NF1: variants seen among roughly 807,000 people sequenced by gnomAD.
NF1 encodes the protein neurofibromin 1.
NF1 carries 122 observed loss-of-function variants against 325.7 expected under a neutral mutation model. The observed-to-expected ratio is 0.37, with a 90% CI of 0.32 to 0.44. The LOEUF is 0.44. NF1 is among the 20% of genes least tolerant of loss of function. The probability of loss-of-function intolerance (pLI) is 1.00; values close to 1 mark genes in which losing one functional copy is unlikely to be tolerated. For missense variants in NF1, 2,140 were observed against 3,415.4 expected, an observed-to-expected ratio of 0.63 and a Z score of 9.31; for synonymous variants, 1,091 against 1,186.0, an observed-to-expected ratio of 0.92 and a Z score of 1.65.
chr17:31,265,216 A>G lies in NF1; in HGVS notation c.4725-13A>G, dbSNP rs759742216. On this transcript the variant is annotated splice_polypyrimidine_tract_variant and intron_variant, in intron 35 of 57. Coordinates refer to ENST00000358273, the MANE Select transcript of NF1 (RefSeq NM_001042492.3). ...CATAAAGCCTCATAATTACTCTGTT[A>G]TTTTTCTTTTAGGCATCAGGTACAT... 1.1e-5 allele frequency: 18 copies of G among 1,577,122 alleles called. No homozygotes were observed. Among genetic ancestry groups the G allele is most frequent in the African/African-American group, 2.7e-5 (2 of 74,170 alleles).
intron 36 of NF1, among the ~76,000 whole-genome samples, chr17:31,323,075 A>G (rs2069252839): frequency 6.6e-6 from 1 of 152,200 alleles, no homozygotes; most frequent in Admixed American, 6.5e-5. Flanking sequence ...ATGTTTGTGT[A>G]CATAAACATC....
chr17:31,318,114 TCAAAA>T, intron 36 of NF1: 1 of 633,140 alleles, frequency 1.6e-6, no homozygotes. Context: ...ATATTCAGTG[TCAAAA>T]CAAAAGTACA....
chr17:31,272,444 C>T (rs901650444), intron 36 of NF1: 1 of 151,450 alleles, frequency 6.6e-6, no homozygotes, highest in Non-Finnish European at 1.5e-5. Flanking sequence ...TGGGCTTGTC[C>T]CAGGATTGGT....
At chr17:31,292,959 C>T (rs1248784226) in intron 36 of NF1, among the ~76,000 whole-genome samples, 1 of 151,916 alleles carries the variant, frequency 6.6e-6, no homozygotes, top group Non-Finnish European at 1.5e-5. Flanking sequence ...AGGCGAATCA[C>T]CTGAGGTCAG....
Position 31,114,844 on chromosome 17 carries a change from ACT to A in NF1, c.60+19478_60+19479del, listed in dbSNP as rs1377592718. ...ACTCCAGCCTGGGCGACAGAGCAAG[ACT>A]CTGTCTCAAAAAAAGAAAAAAAAGA... On this transcript the variant is annotated intron_variant, in intron 1 of 57. Coordinates refer to ENST00000358273, the MANE Select transcript of NF1 (RefSeq NM_001042492.3). 5.3e-5 allele frequency among the ~76,000 whole-genome samples: 8 copies of A among 152,128 alleles called. No homozygotes were observed. The East Asian group carries it at 5.8e-4, about 11-fold the overall frequency.
intron 50 of NF1, among the ~76,000 whole-genome samples, chr17:31,351,860 G>T (rs867764850): frequency 0.011 from 1,568 of 141,412 alleles, 30 homozygotes; most frequent in African/African-American, 0.036. Flanking sequence ...ATTTTTTGGG[G>T]TTTTTTTTTT....
intron 36 of NF1, among the ~76,000 whole-genome samples, chr17:31,323,215 T>A (rs1226689848): frequency 6.6e-6 from 1 of 151,834 alleles, no homozygotes; most frequent in Admixed American, 6.6e-5. Flanking sequence ...CTGGGCAGCA[T>A]GGCAAAATCC....
intron 36 of NF1, among the ~76,000 whole-genome samples, chr17:31,302,039 GC>G (rs1276364222): frequency 6.6e-6 from 1 of 152,064 alleles, no homozygotes; most frequent in Non-Finnish European, 1.5e-5. Flanking sequence ...AGCAAGGATT[GC>G]CACTGTTTGG....
chr17:31,179,747 C>A (rs992318765), intron 5 of NF1, among the ~76,000 whole-genome samples: 1 of 151,342 alleles, frequency 6.6e-6, no homozygotes, highest in East Asian at 1.9e-4. Context: ...CGTGCAACTG[C>A]ACTCCAACCT....
rs779737221 is a variant in NF1 at position 31,352,399 on chromosome 17, A to G, written c.7600A>G (p.Thr2534Ala). 5.6e-6 allele frequency: 9 copies of G among 1,612,314 alleles called. No individual in the cohort carries two copies. The Admixed American group carries it at 1.3e-4, about 24-fold the overall frequency. The change falls in exon 51 of 58, where the codon ACT becomes GCT. Residue 2534 changes from threonine to alanine, a missense_variant. Transcript: ENST00000358273. Reference protein sequence around the residue: ...LDMGQPSQANTKKLLGTRKSF... With the variant: ...LDMGQPSQANAKKLLGTRKSF... Reference sequence around the variant, plus strand: ...CATGGGGCAACCTTCTCAGGCCAACACTAAGAAGTTGCTTGGTTAGTTTAT... The same window carrying G: ...CATGGGGCAACCTTCTCAGGCCAACGCTAAGAAGTTGCTTGGTTAGTTTAT...
intron 1 of NF1, among the ~76,000 whole-genome samples, chr17:31,095,767 G>T (rs1477722471): frequency 2.0e-5 from 3 of 152,066 alleles, no homozygotes; most frequent in Non-Finnish European, 4.4e-5. Flanking sequence ...ACGTTTAGGG[G>T]TTCTCTCTTC....
In NF1 at chr17:31,252,929, G is replaced by A; in HGVS notation, c.4111-9G>A. 1 of 1,612,974 alleles carries A rather than the reference G, an allele frequency of 6.2e-7. No individual in the cohort carries two copies. Among genetic ancestry groups the A allele is most frequent in the Non-Finnish European group, 8.5e-7 (1 of 1,179,298 alleles). ...CTGTGACTTGTTTGTGCTCATCTCTGTTCTGTAGGCAACTTGCCACTCCCT... is the reference window on the plus strand; with the variant it reads ...CTGTGACTTGTTTGTGCTCATCTCTATTCTGTAGGCAACTTGCCACTCCCT... On this transcript the variant is annotated splice_polypyrimidine_tract_variant and intron_variant, in intron 30 of 57. Transcript: ENST00000358273.
intron 8 of NF1, among the ~76,000 whole-genome samples, chr17:31,195,337 C>T (rs917102554): frequency 2.6e-5 from 4 of 152,060 alleles, no homozygotes; most frequent in Non-Finnish European, 5.9e-5. Flanking sequence ...TATTTGAGCT[C>T]CCTTATGGAT....
chr17:31,155,752 A>T (rs1055069437), intron 1 of NF1, among the ~76,000 whole-genome samples: 1 of 152,224 alleles, frequency 6.6e-6, no homozygotes, highest in African/African-American at 2.4e-5. Context: ...CAAAGAATTT[A>T]AGATTTGCTA....
chr17:31,171,528 ATAAT>A (rs986871276), intron 5 of NF1, among the ~76,000 whole-genome samples: 1 of 152,220 alleles, frequency 6.6e-6, no homozygotes, highest in Non-Finnish European at 1.5e-5. Context: ...TCAATCCGTA[ATAAT>A]TAACTGAAAT....
intron 57 of NF1, among the ~76,000 whole-genome samples, chr17:31,369,932 T>C (rs1224996559): frequency 6.6e-6 from 1 of 152,238 alleles, no homozygotes; most frequent in Non-Finnish European, 1.5e-5. Flanking sequence ...AACTAGATAC[T>C]ATGATCATTC....
In NF1 at chr17:31,230,281, T is replaced by C; in HGVS notation, c.3012T>C (p.Asn1004=). Residue 1004 remains asparagine (N), a synonymous_variant, in exon 23 of 58, where the codon AAT becomes AAC. Transcript: ENST00000358273. ...ATAGGTATGTTCGTGTGCTTGGGAA[T>C]ATGGTCCATGCAATTCAAATAAAAA... The part of the protein sequence containing the change: ...NLVRYVRVLG[N]MVHAIQIKTK... 1 of 1,613,460 alleles carries C rather than the reference T, an allele frequency of 6.2e-7. No homozygotes were observed. Among genetic ancestry groups the C allele is most frequent in the Non-Finnish European group, 8.5e-7 (1 of 1,179,518 alleles).
At chr17:31,127,241 A>G (rs902575256) in intron 1 of NF1, among the ~76,000 whole-genome samples, 2 of 152,156 alleles carry the variant, frequency 1.3e-5, no homozygotes, top group South Asian at 4.1e-4. Context: ...CAAAAGACTT[A>G]TAATAATGCC....
chr17:31,360,786 C>T, intron 57 of NF1, 83 bp downstream of exon 57: 2 of 1,268,280 alleles, frequency 1.6e-6, no homozygotes, highest in Non-Finnish European at 2.3e-6. Flanking sequence ...CAGTTTATAG[C>T]AAATTTTGCT....
Sources: allele counts gnomAD v4.1 joint callset (sites outside exome capture counted in the v4.1 genomes callset), GRCh38; gene constraint gnomAD v4.1.1; transcripts MANE v1.5; gene names NCBI Gene and HGNC (gene_info 2026-07-23, HGNC 2026-07-21).